Variants in CACNA1A observed in about 807,000 individuals in gnomAD.
The protein encoded by CACNA1A is voltage-dependent P/Q-type calcium channel subunit alpha-1A.
A neutral mutation model predicts 262.4 loss-of-function variants in CACNA1A; 57 were observed. The ratio of observed to expected loss-of-function variants is 0.22; its 90% CI spans 0.18 to 0.27. The LOEUF is 0.27. Among genes scored for constraint, CACNA1A ranks in the 10% least tolerant of loss-of-function variants. CACNA1A has a pLI of 1.00. For synonymous variants in CACNA1A, 1,431 were observed against 1,419.3 expected, an observed-to-expected ratio of 1.01 and a Z score of -0.18; for missense variants, 2,526 against 3,562.8, an observed-to-expected ratio of 0.71 and a Z score of 7.41.
chr19:13,474,615 G>A (rs1384692824), intron 1 of CACNA1A, among the ~76,000 whole-genome samples: 2 of 152,124 alleles, frequency 1.3e-5, no homozygotes, highest in East Asian at 1.9e-4. Context: ...TCAGGAGTTC[G>A]AGACCAGCCT....
rs142944837 is a variant in CACNA1A, at chr19:13,277,449, C to T, written c.3823-321G>A. 8.0e-5 allele frequency: 17 copies of T among 213,262 alleles called. 1 individual carries two copies. Among genetic ancestry groups the T allele is most frequent in the South Asian group, 7.7e-4 (9 of 11,684 alleles). The allele number at this position is 213,262 out of a possible 1,614,324, so 13.2% of individuals were successfully genotyped here. Reference sequence around the variant, plus strand: ...CCCAAGCCCTGTAGTGGATTAGAAGCGGCCCCAGAGAAGTTCAGGGCTGAC... The same window carrying T: ...CCCAAGCCCTGTAGTGGATTAGAAGTGGCCCCAGAGAAGTTCAGGGCTGAC... On this transcript the variant is annotated intron_variant, in intron 22 of 46. Transcript: ENST00000360228.
chr19:13,331,648 T>C (rs10412647), intron 9 of CACNA1A, among the ~76,000 whole-genome samples: 31,876 of 151,922 alleles, frequency 0.21, 3,640 homozygotes, highest in African/African-American at 0.31. Context: ...ATTGCAGACA[T>C]ATTATTCTGG....
At chr19:13,235,117 C>T in intron 33 of CACNA1A, 81 bp from the exon 34 acceptor site, 4 of 1,541,446 alleles carry the variant, frequency 2.6e-6, no homozygotes, top group Non-Finnish European at 3.6e-6. Context: ...TCCATGGCTG[C>T]TTCTGTGAAC....
At chr19:13,307,743 TGA>T in intron 15 of CACNA1A, 37 bp downstream of exon 15, 1 of 1,562,986 alleles carries the variant, frequency 6.4e-7, no homozygotes, top group Non-Finnish European at 8.8e-7. Flanking sequence ...TCTGTGACAC[TGA>T]GAGGTGTTGG....
intron 3 of CACNA1A, among the ~76,000 whole-genome samples, chr19:13,390,212 G>C (rs1170803823): frequency 6.6e-6 from 1 of 150,770 alleles, no homozygotes; most frequent in Non-Finnish European, 1.5e-5. Flanking sequence ...AAATTCCTGG[G>C]CTCAAGCAAT....
At chr19:13,404,590 G>A (rs2059969965) in intron 3 of CACNA1A, among the ~76,000 whole-genome samples, 1 of 152,154 alleles carries the variant, frequency 6.6e-6, no homozygotes, top group Non-Finnish European at 1.5e-5. Context: ...CAAAGCTGAG[G>A]TAGGCAGGGA....
intron 3 of CACNA1A, among the ~76,000 whole-genome samples, chr19:13,409,823 T>C (rs1937935637): frequency 6.6e-6 from 1 of 152,172 alleles, no homozygotes; most frequent in African/African-American, 2.4e-5. Context: ...CCACCTTGGC[T>C]TCCCAAAGTG....
In CACNA1A at chr19:13,253,036, G is replaced by T. The variant is rs2056444098; in HGVS notation, c.4821C>A (p.Leu1607=). Residue 1607 remains leucine, a synonymous_variant, in exon 30 of 47, where the codon CTC becomes CTA. Transcript: ENST00000360228. The part of the protein sequence containing the change: ...LRVFNIVFTS[L]FSLECVLKVM... ...CTTTCAGCACACATTCCAGAGAGAA[G>T]AGGGAGGTGAAGACGATGTTGAACA... 3 of 1,613,714 alleles carry T rather than the reference G, an allele frequency of 1.9e-6. No individual in the cohort carries two copies. The highest frequency in any genetic ancestry group is 1.1e-5 in the South Asian group (1 of 91,080).
At chr19:13,281,118 T>C (rs769673722) in intron 22 of CACNA1A, among the ~76,000 whole-genome samples, 1 of 151,906 alleles carries the variant, frequency 6.6e-6, no homozygotes, top group Non-Finnish European at 1.5e-5. Flanking sequence ...TGGAATTACA[T>C]GCCTGTAATT....
chr19:13,438,985 T>C (rs1017122217), intron 3 of CACNA1A, among the ~76,000 whole-genome samples: 40 of 152,060 alleles, frequency 2.6e-4, no homozygotes, highest in Non-Finnish European at 1.2e-4. Flanking sequence ...GTGATCCACC[T>C]GCCTTGGCCT....
At chr19:13,281,942 C>A (rs970380398) in intron 22 of CACNA1A, among the ~76,000 whole-genome samples, 3 of 152,240 alleles carry the variant, frequency 2.0e-5, no homozygotes, top group Non-Finnish European at 2.9e-5. Context: ...GCCCTCCCTG[C>A]CGAAGGCAAC....
intron 1 of CACNA1A, among the ~76,000 whole-genome samples, chr19:13,475,688 C>T (rs1248147293): frequency 6.6e-6 from 1 of 152,112 alleles, no homozygotes; most frequent in Non-Finnish European, 1.5e-5. Flanking sequence ...CTAAATGGTC[C>T]ATGTCTTTTT....
chr19:13,418,363 G>A (rs1204338275), intron 3 of CACNA1A, among the ~76,000 whole-genome samples: 1 of 152,108 alleles, frequency 6.6e-6, no homozygotes, highest in African/African-American at 2.4e-5. Context: ...GTCAGAACCT[G>A]AATTCAAAGC....
At chr19:13,231,939 C>T (rs1298645628) in intron 34 of CACNA1A, 79 bp from the exon 35 acceptor site, 2 of 1,448,824 alleles carry the variant, frequency 1.4e-6, no homozygotes, top group African/African-American at 1.4e-5. Flanking sequence ...GTGGAGCACA[C>T]ACGTTGAGCA....
At chr19:13,447,441 T>C (rs1599475529) in intron 3 of CACNA1A, among the ~76,000 whole-genome samples, 1 of 152,348 alleles carries the variant, frequency 6.6e-6, no homozygotes, top group South Asian at 2.1e-4. Flanking sequence ...TTCAGTTTAA[T>C]GATCACTTAT....
intron 6 of CACNA1A, among the ~76,000 whole-genome samples, chr19:13,339,899 A>C (rs1299322359): frequency 6.6e-6 from 1 of 152,142 alleles, no homozygotes; most frequent in Non-Finnish European, 1.5e-5. Context: ...CGAGCTCAGA[A>C]ATGCCAATGC....
intron 38 of CACNA1A, among the ~76,000 whole-genome samples, chr19:13,217,541 A>G (rs1411280267): frequency 6.6e-6 from 1 of 152,162 alleles, no homozygotes; most frequent in Non-Finnish European, 1.5e-5. Flanking sequence ...AGCCTGGCTC[A>G]GCTGTGGAAC....
At position 13,255,364 on chromosome 19, in the gene CACNA1A, T is replaced by C. The variant is rs1253360745; in HGVS notation, c.4591-105A>G. The C allele has an allele frequency of 6.7e-6, 7 of 1,050,392 alleles. No individual in the cohort carries two copies. In the African/African-American group the frequency reaches 8.0e-5, roughly 12 times the overall value. The allele number at this position is 1,050,392 out of a possible 1,614,324, so 65.1% of individuals were successfully genotyped here. A position where few individuals can be genotyped will look rare whatever the true frequency, so the allele number is the denominator to read the frequency against. The stretch of plus-strand genomic sequence containing the variant: ...GTCGCGGTTCTCAAGTGCTTCTGCT[T>C]GAGTCTCTGCCTCTCTTGCCCCCAG... On this transcript the variant is annotated intron_variant, in intron 28 of 46. Transcript: ENST00000360228.
At chr19:13,338,119 G>A (rs1368440743) in intron 6 of CACNA1A, among the ~76,000 whole-genome samples, 1 of 152,136 alleles carries the variant, frequency 6.6e-6, no homozygotes, top group East Asian at 1.9e-4. Flanking sequence ...GGAGGCTGAG[G>A]CAGGAGAATG....
Sources: allele counts gnomAD v4.1 joint callset (sites outside exome capture counted in the v4.1 genomes callset), GRCh38; gene constraint gnomAD v4.1.1; transcripts MANE v1.5; gene names NCBI Gene and HGNC (gene_info 2026-07-23, HGNC 2026-07-21).